APLP1: variants seen among roughly 807,000 people sequenced by gnomAD.
The protein encoded by APLP1 is amyloid beta precursor like protein 1.
A neutral mutation model predicts 84.5 loss-of-function variants in APLP1; 46 were observed. That is an observed-to-expected ratio of 0.54 (90% CI 0.43 to 0.70). The LOEUF is 0.70. APLP1 is among the 30% of genes least tolerant of loss of function. The pLI is 0.00. For missense variants in APLP1, 826 were observed against 900.2 expected, an observed-to-expected ratio of 0.92 and a Z score of 1.05; for synonymous variants, 376 against 364.0, an observed-to-expected ratio of 1.03 and a Z score of -0.38.
rs1974094294 is a variant in APLP1, at chr19:35,869,756, G to T, written c.237G>T (p.Gln79His). 1 of 1,608,960 alleles carries T rather than the reference G, an allele frequency of 6.2e-7. No individual in the cohort carries two copies. The highest frequency in any genetic ancestry group is 2.2e-5 in the East Asian group (1 of 44,754). ...CCGGCCGCTGGGAACCAGACCCACA[G>T]CGCTCTCGACGCTGTCTCCGGGACC... ...LRTGRWEPDPQRSRRCLRDPQ... is the reference protein window; with the variant it reads ...LRTGRWEPDPHRSRRCLRDPQ... The change falls in exon 2 of 17, where the codon CAG becomes CAT. Residue 79 changes from glutamine to histidine, a missense_variant. Coordinates refer to ENST00000221891, the MANE Select transcript of APLP1 (RefSeq NM_001024807.3).
intron 13 of APLP1, among the ~76,000 whole-genome samples, 174 bp downstream of exon 13, chr19:35,878,282 A>T (rs1043199396): frequency 2.6e-5 from 4 of 152,172 alleles, no homozygotes; most frequent in Non-Finnish European, 5.9e-5. Flanking sequence ...CTGGTGACTC[A>T]CACCCGTAAT....
chr19:35,876,466 C>A, intron 10 of APLP1, 51 bp from the exon 11 acceptor site: 1 of 1,495,034 alleles, frequency 6.7e-7, no homozygotes, highest in Non-Finnish European at 9.3e-7. Context: ...TCAGTTTCCT[C>A]ATCTCCAGCC....
intron 16 of APLP1, 38 bp from the exon 17 acceptor site, chr19:35,879,305 C>A (rs759918649): frequency 1.3e-5 from 21 of 1,611,794 alleles, no homozygotes; most frequent in Non-Finnish European, 1.6e-5. Flanking sequence ...GTCCCGCCCC[C>A]GCACCACACT....
In APLP1 at chr19:35,871,041, C is replaced by G; in HGVS notation, c.424+13C>G. 7 of 1,514,002 alleles carry G rather than the reference C, an allele frequency of 4.6e-6. No homozygotes were observed. The highest frequency in any genetic ancestry group is 6.2e-6 in the Non-Finnish European group (7 of 1,129,692). 93.8% of individuals were successfully genotyped at this position (1,514,002 alleles called of 1,614,324 possible). A position where few individuals can be genotyped will look rare whatever the true frequency, so the allele number is the denominator to read the frequency against. On this transcript the variant is annotated intron_variant, in intron 3 of 16. Coordinates refer to ENST00000221891, the MANE Select transcript of APLP1 (RefSeq NM_001024807.3). ...TTCCGCTGCCTGCGTGAGTCCCAGG[C>G]GGGGAGAGGGGAACTGAGGTGGGAG...
chr19:35,879,030 A>C, intron 15 of APLP1, 44 bp from the exon 16 acceptor site: 2 of 1,613,348 alleles, frequency 1.2e-6, no homozygotes, highest in Non-Finnish European at 8.5e-7. Context: ...AAAGCCACAC[A>C]GGACCCTCAA....
Position 35,869,736 on chromosome 19 carries a change from C to A in APLP1, c.217C>A (p.Arg73Ser). 6.2e-7 allele frequency: 1 copy of A among 1,610,810 alleles called. No individual in the cohort carries two copies. The highest frequency in any genetic ancestry group is 1.3e-5 in the African/African-American group (1 of 74,980). The change falls in exon 2 of 17, where the codon CGC becomes AGC. Residue 73 changes from arginine to serine, a missense_variant. Arg to Ser is a moderately radical substitution (Grantham distance 110). This residue lies in a region of APLP1 where 383 missense variants were observed against 378.3 expected (regional missense o/e 1.01). Transcript: ENST00000221891. ...LTLHRDLRTG[R>S]WEPDPQRSRR... ...CCTTCACCGGGACCTGCGCACCGGC[C>A]GCTGGGAACCAGACCCACAGCGCTC...
Position 35,872,018 on chromosome 19 carries a change from C to T in APLP1, c.832C>T (p.Leu278Phe), listed in dbSNP as rs1422214200. The change falls in exon 6 of 17, where the codon CTT (leucine) becomes TTT (phenylalanine). Residue 278 changes from leucine (L) to phenylalanine (F), a missense_variant. By Grantham distance (22) the Leu-to-Phe change is conservative. Around this residue, in one of 3 missense-constraint regions of APLP1, gnomAD observed 383 missense variants for 378.3 expected, o/e 1.01. Coordinates refer to ENST00000221891, the MANE Select transcript of APLP1 (RefSeq NM_001024807.3). ...GGTCCCACCCCCAAGCTCCCATACACTTGCAGTGGTCGGCAAAGGTGAGGC... is the reference window on the plus strand; with the variant it reads ...GGTCCCACCCCCAAGCTCCCATACATTTGCAGTGGTCGGCAAAGGTGAGGC... ...ETVPPPSSHT[L>F]AVVGKVTPTP... 1 of 1,613,976 alleles carries T rather than the reference C, an allele frequency of 6.2e-7. No individual in the cohort carries two copies. The highest frequency in any genetic ancestry group is 2.2e-5 in the East Asian group (1 of 44,868).
At chr19:35,870,621 TA>T in intron 2 of APLP1, 1 of 383,260 alleles carries the variant, frequency 2.6e-6, no homozygotes, top group Non-Finnish European at 4.7e-6. Flanking sequence ...CCGTCTCTAC[TA>T]AAAATACAAA....
rs746667994 is a variant in APLP1, at chr19:35,874,793, A to C, written c.1268A>C (p.Glu423Ala). 6.2e-7 allele frequency: 1 copy of C among 1,613,384 alleles called. No individual in the cohort carries two copies. Among genetic ancestry groups the C allele is most frequent in the Non-Finnish European group, 8.5e-7 (1 of 1,180,012 alleles). Residue 423 changes from glutamate (E) to alanine (A), a missense_variant, in exon 10 of 17, where the codon GAA becomes GCA. By Grantham distance (107) the Glu-to-Ala change is moderately radical. Around this residue, in one of 3 missense-constraint regions of APLP1, gnomAD observed 433 missense variants for 496.5 expected, o/e 0.87. Transcript: ENST00000221891. The surrounding 1 kb of genome is among the most constrained non-coding windows in gnomAD (Gnocchi z 6.4). ...LRRYLRAEQK[E>A]QRHTLRHYQH... ...CGCTACCTGCGTGCGGAGCAGAAGG[A>C]ACAGAGGCACACGCTGCGCCACTAC... is the stretch of plus-strand genomic sequence containing the variant.
intron 10 of APLP1, 148 bp downstream of exon 10, chr19:35,875,017 T>TC (rs1974247723): frequency 8.4e-7 from 1 of 1,184,744 alleles, no homozygotes; most frequent in African/African-American, 1.6e-5. Context: ...TCCCAGTCTC[T>TC]CAGCTCAGCT....
In APLP1 at chr19:35,871,174, T is replaced by C; in HGVS notation, c.425-63T>C. The C allele has an allele frequency of 4.5e-6, 7 of 1,561,790 alleles. 1 individual carries two copies. In the South Asian group the frequency reaches 8.2e-5, roughly 18 times the overall value. ...GCCTCTGAGGATAAAATATCTGGAT[T>C]CTGAGGAGGGTGGGGTTGGTGGCTA... On this transcript the variant is annotated intron_variant, in intron 3 of 16. Transcript: ENST00000221891.
chr19:35,868,696 G>A lies in APLP1; in HGVS notation c.60G>A (p.Leu20=). The change falls in exon 1 of 17, where the codon CTG becomes CTA. Residue 20 remains leucine, a synonymous_variant. Coordinates refer to ENST00000221891, the MANE Select transcript of APLP1 (RefSeq NM_001024807.3). This position sits in a 1 kb window ranked among gnomAD's most constrained non-coding sequence, Gnocchi z 5.2. ...GTCGCCGCCCGGGCCAGCCGCCGCT[G>A]CCGCTGCTGCTGCCACTATTGCTGC... is the stretch of plus-strand genomic sequence containing the variant. ...GLSRRPGQPP[L]PLLLPLLLLL... The A allele has an allele frequency of 1.4e-6, 2 of 1,415,384 alleles. No homozygotes were observed. Among genetic ancestry groups the A allele is most frequent in the Non-Finnish European group, 1.8e-6 (2 of 1,088,776 alleles). 87.7% of individuals were successfully genotyped at this position (1,415,384 alleles called of 1,614,324 possible).
At chr19:35,869,329 G>A (rs1271627849) in intron 1 of APLP1, 2 of 541,584 alleles carry the variant, frequency 3.7e-6, no homozygotes, top group African/African-American at 4.0e-5. Flanking sequence ...GGAGGGAGGA[G>A]GGGCCAGAAC....
At chr19:35,869,259 G>A (rs1413598794) in intron 1 of APLP1, 2 of 491,274 alleles carry the variant, frequency 4.1e-6, no homozygotes, top group Non-Finnish European at 7.1e-6. Flanking sequence ...CAGGACTGTA[G>A]GCCCCTGAAG....
chr19:35,875,328 ATTT>A (rs35284323), intron 10 of APLP1, among the ~76,000 whole-genome samples: 2 of 133,144 alleles, frequency 1.5e-5, no homozygotes, highest in Non-Finnish European at 3.2e-5. Flanking sequence ...CACTGGGCTA[ATTT>A]TTTTTTTTTT....
At chr19:35,877,575 T>A in intron 11 of APLP1, 143 bp from the exon 12 acceptor site, 1 of 577,424 alleles carries the variant, frequency 1.7e-6, no homozygotes, top group Non-Finnish European at 3.0e-6. Flanking sequence ...AGCTTCCCAC[T>A]TTCTCAGATC....
At position 35,873,678 on chromosome 19, in the gene APLP1, AACCT is replaced by A; in HGVS notation, c.1022_1025del (p.Asn341SerfsTer9). ...GGCCATGGCAGACAACCAGTCCAAG[AACCT>A]GCCTAAAGCCGACAGACAGGCCCTG... is the stretch of plus-strand genomic sequence containing the variant. On this transcript the variant is annotated frameshift_variant, in exon 8 of 17. Transcript: ENST00000221891. LOFTEE classifies it high-confidence loss of function. The A allele has an allele frequency of 1.2e-6, 2 of 1,614,124 alleles. No homozygotes were observed. The highest frequency in any genetic ancestry group is 1.7e-6 in the Non-Finnish European group (2 of 1,180,010).
chr19:35,871,475 T>C, intron 4 of APLP1, 126 bp downstream of exon 4: 1 of 1,382,718 alleles, frequency 7.2e-7, no homozygotes, highest in Non-Finnish European at 1.0e-6. Context: ...GATCTAAGAA[T>C]TTCATCCCCC....
At position 35,871,646 on chromosome 19, in the gene APLP1, C is replaced by T. The variant is rs199660121; in HGVS notation, c.572C>T (p.Ser191Leu). The T allele has an allele frequency of 8.1e-6, 13 of 1,614,010 alleles. No individual in the cohort carries two copies. The East Asian group carries it at 1.1e-4, about 14-fold the overall frequency. The change falls in exon 5 of 17, where the codon TCG becomes TTG. Residue 191 changes from serine to leucine, a missense_variant. Ser to Leu is a moderately radical substitution (Grantham distance 145). Transcript: ENST00000221891. ...TCCCAGGGCCTCATCCTGCACGGCTCGGGCATGCTCTTACCCTGTGGCTCG... is the reference window on the plus strand; with the variant it reads ...TCCCAGGGCCTCATCCTGCACGGCTTGGGCATGCTCTTACCCTGTGGCTCG... ...CSSQGLILHG[S>L]GMLLPCGSDR...
Sources: gnomAD v4.1 joint callset for allele counts (sites outside exome capture counted in the v4.1 genomes callset) on GRCh38, gnomAD v4.1.1 for gene constraint, gnomAD v4.1.1 regional missense constraint, Gnocchi (gnomAD v3.1) non-coding constraint, MANE v1.5 for transcripts, NCBI Gene and HGNC (gene_info 2026-07-23, HGNC 2026-07-21) for gene names.